Variants in PID1 observed in about 807,000 individuals in gnomAD.
PID1 encodes phosphotyrosine interaction domain containing 1, also known as PTB-containing, cubilin and LRP1-interacting protein.
PID1 carries 10 observed loss-of-function variants against 19.1 expected under a neutral mutation model. The observed-to-expected ratio is 0.52, with a 90% CI of 0.32 to 0.89. The LOEUF is 0.89. Ranked by LOEUF, PID1 falls within the 40% of genes least tolerant of loss-of-function variation. The probability of loss-of-function intolerance (pLI) is 0.03; values close to 1 mark genes in which losing one functional copy is unlikely to be tolerated. For missense variants in PID1, 248 were observed against 285.3 expected (o/e 0.87, Z 0.94); for synonymous variants, 130 against 116.0 (o/e 1.12, Z -0.78).
intron 1 of PID1, among the ~76,000 whole-genome samples, chr2:229,222,401 T>C (rs1691990485): frequency 6.6e-6 from 1 of 152,260 alleles, no homozygotes; most frequent in South Asian, 2.1e-4. Flanking sequence ...AGTATAAATA[T>C]AATTTTTCTT....
intron 2 of PID1, among the ~76,000 whole-genome samples, chr2:229,046,260 T>C (rs1693875145): frequency 6.6e-6 from 1 of 152,130 alleles, no homozygotes; most frequent in African/African-American, 2.4e-5. Flanking sequence ...CATACACATA[T>C]AACTAACTTC....
intron 1 of PID1, among the ~76,000 whole-genome samples, chr2:229,217,738 A>G (rs1691879324): frequency 6.6e-6 from 1 of 152,236 alleles, no homozygotes; most frequent in African/African-American, 2.4e-5. Flanking sequence ...AGTCACTTAA[A>G]GTCAATTCAT....
intron 1 of PID1, among the ~76,000 whole-genome samples, chr2:229,213,192 T>C (rs10804351): frequency 0.99 from 150,589 of 152,228 alleles, 74,494 homozygotes; most frequent in East Asian, 1. Flanking sequence ...CATTTGTCAC[T>C]GGCAAAATGC....
At chr2:229,082,753 C>G (rs1371207566) in intron 2 of PID1, among the ~76,000 whole-genome samples, 1 of 152,180 alleles carries the variant, frequency 6.6e-6, no homozygotes, top group African/African-American at 2.4e-5. Context: ...GAAGTACATT[C>G]TTCTTCACAT....
At chr2:229,185,625 A>G (rs1691112851) in intron 1 of PID1, among the ~76,000 whole-genome samples, 1 of 152,146 alleles carries the variant, frequency 6.6e-6, no homozygotes, top group Non-Finnish European at 1.5e-5. Flanking sequence ...CTGCAAAGAG[A>G]GCTTGTGCAG....
At chr2:229,210,015 T>C (rs1691692356) in intron 1 of PID1, among the ~76,000 whole-genome samples, 1 of 151,880 alleles carries the variant, frequency 6.6e-6, no homozygotes, top group Non-Finnish European at 1.5e-5. Flanking sequence ...CCACAAAATA[T>C]CTCCCAAGAG....
chr2:229,140,919 G>GA (rs1689998346), intron 2 of PID1, among the ~76,000 whole-genome samples: 1 of 151,106 alleles, frequency 6.6e-6, no homozygotes, highest in African/African-American at 2.4e-5. Context: ...AATTTAAAAA[G>GA]AAAAAATGAG....
chr2:229,081,189 C>T (rs1250517700), intron 2 of PID1, among the ~76,000 whole-genome samples: 1 of 152,104 alleles, frequency 6.6e-6, no homozygotes, highest in Non-Finnish European at 1.5e-5. Flanking sequence ...TTTAGGTTTA[C>T]ATTGTTGATA....
At chr2:229,242,526 C>T (rs6705761) in intron 1 of PID1, among the ~76,000 whole-genome samples, 71,694 of 151,710 alleles carry the variant, frequency 0.47, 17,318 homozygotes, top group African/African-American at 0.53. Context: ...CTCTCCTCTA[C>T]ATTTCCCGTC....
intron 1 of PID1, among the ~76,000 whole-genome samples, chr2:229,207,658 C>T (rs917077515): frequency 4.0e-5 from 6 of 151,638 alleles, no homozygotes; most frequent in African/African-American, 1.5e-4. Flanking sequence ...GTGTAATGAT[C>T]ACTTGACAAA....
intron 2 of PID1, among the ~76,000 whole-genome samples, chr2:229,042,969 G>A (rs540499998): frequency 1.3e-5 from 2 of 151,364 alleles, no homozygotes; most frequent in East Asian, 3.9e-4. Context: ...GAGAGAGAAA[G>A]GGGGTAGCGC....
At chr2:229,225,230 G>A (rs1207088769) in intron 1 of PID1, among the ~76,000 whole-genome samples, 2 of 152,112 alleles carry the variant, frequency 1.3e-5, no homozygotes, top group African/African-American at 2.4e-5. Context: ...CTTCTCATTA[G>A]TAAAATGGAG....
intron 2 of PID1, among the ~76,000 whole-genome samples, chr2:229,128,347 C>T (rs77181939): frequency 6.6e-6 from 1 of 152,178 alleles, no homozygotes; most frequent in African/African-American, 2.4e-5. Flanking sequence ...AGTGACACTG[C>T]CTTTTCTCCC....
At chr2:229,089,469 C>A (rs560905104) in intron 2 of PID1, among the ~76,000 whole-genome samples, 2 of 152,146 alleles carry the variant, frequency 1.3e-5, no homozygotes, top group African/African-American at 2.4e-5. Context: ...ATTGGAATAA[C>A]CTTGATCCCT....
chr2:229,154,438 C>A (rs1690323589), intron 2 of PID1, among the ~76,000 whole-genome samples: 1 of 152,176 alleles, frequency 6.6e-6, no homozygotes. Flanking sequence ...TTCTCACTAA[C>A]CATGCTTGTT....
At chr2:229,133,995 C>T (rs13022856) in intron 2 of PID1, among the ~76,000 whole-genome samples, 120,255 of 151,456 alleles carry the variant, frequency 0.79, 47,887 homozygotes, top group East Asian at 1. Context: ...TTTTAAAATG[C>T]TGAGCAGCAG....
At chr2:229,031,408 T>C (rs1045073397) in intron 2 of PID1, among the ~76,000 whole-genome samples, 2 of 151,362 alleles carry the variant, frequency 1.3e-5, no homozygotes, top group Admixed American at 1.3e-4. Context: ...AATACAAAAA[T>C]TAGCTGGGTG....
chr2:229,025,000 A>C lies in PID1; in HGVS notation c.*632T>G, dbSNP rs1693379763. The C allele has an allele frequency of 1.3e-5, 2 of 152,930 alleles. No homozygotes were observed. The highest frequency in any genetic ancestry group is 1.3e-4 in the Admixed American group (2 of 15,296). 9.5% of individuals were successfully genotyped at this position (152,930 alleles called of 1,614,324 possible). A position where few individuals can be genotyped will look rare whatever the true frequency, so the allele number is the denominator to read the frequency against. ...GTATTCTAAGAAAATAGATGAAGTG[A>C]ATACAATAAGAGGGTACTACTTGGT... On this transcript the variant is annotated 3_prime_UTR_variant, in exon 3 of 3. Coordinates refer to ENST00000392055, the MANE Select transcript of PID1 (RefSeq NM_001100818.2).
chr2:229,205,657 A>T (rs986888075), intron 1 of PID1, among the ~76,000 whole-genome samples: 1 of 152,166 alleles, frequency 6.6e-6, no homozygotes, highest in Non-Finnish European at 1.5e-5. Context: ...AGCAGCAGGG[A>T]TCACAGGATT....
Sources: gnomAD v4.1 joint callset for allele counts (sites outside exome capture counted in the v4.1 genomes callset) on GRCh38, gnomAD v4.1.1 for gene constraint, MANE v1.5 for transcripts, NCBI Gene and HGNC (gene_info 2026-07-23, HGNC 2026-07-21) for gene names.